The following RBFOX1 variants were observed in gnomAD, a reference collection of about 807,000 sequenced individuals.
RBFOX1 encodes RNA binding protein fox-1 homolog 1.
A neutral mutation model predicts 57.7 loss-of-function variants in RBFOX1; 8 were observed. The observed-to-expected ratio is 0.14, with a 90% CI of 0.08 to 0.25. The LOEUF (loss-of-function observed/expected upper bound fraction) is 0.25. Among genes scored for constraint, RBFOX1 ranks in the 10% least tolerant of loss-of-function variants. The pLI is 1.00. For missense variants in RBFOX1, 611 were observed against 548.5 expected (o/e 1.11, Z -1.14); for synonymous variants, 326 against 222.4 (o/e 1.47, Z -4.15).
chr16:6,513,083 C>T (rs1295271401), intron 2 of RBFOX1, among the ~76,000 whole-genome samples: 2 of 152,188 alleles, frequency 1.3e-5, no homozygotes, highest in African/African-American at 2.4e-5. Context: ...GAATCCAAGT[C>T]AGCCAGTTCT....
chr16:6,900,863 G>T (rs1049648185), intron 3 of RBFOX1, among the ~76,000 whole-genome samples: 2 of 152,186 alleles, frequency 1.3e-5, no homozygotes, highest in Non-Finnish European at 2.9e-5. Flanking sequence ...TGAGCTCCAT[G>T]AATGCAGGGA....
At chr16:6,994,045 C>A (rs566963219) in intron 3 of RBFOX1, among the ~76,000 whole-genome samples, 3 of 152,152 alleles carry the variant, frequency 2.0e-5, no homozygotes, top group Non-Finnish European at 4.4e-5. Context: ...ACCTCCCCCT[C>A]TGGGAGTTTA....
intron 4 of RBFOX1, among the ~76,000 whole-genome samples, chr16:5,971,296 A>G (rs17718086): frequency 6.6e-6 from 1 of 152,188 alleles, no homozygotes; most frequent in African/African-American, 2.4e-5. Flanking sequence ...AGTCCTTGTC[A>G]TGTGACAGGA....
intron 1 of RBFOX1, among the ~76,000 whole-genome samples, chr16:6,061,325 A>G (rs2095683466): frequency 6.6e-6 from 1 of 152,216 alleles, no homozygotes; most frequent in East Asian, 1.9e-4. Flanking sequence ...AGACACAACT[A>G]CAACCAATGG....
chr16:7,535,967 G>A (rs138509527), intron 5 of RBFOX1, among the ~76,000 whole-genome samples: 3 of 152,306 alleles, frequency 2.0e-5, no homozygotes, highest in African/African-American at 7.2e-5. Flanking sequence ...GGAGATACAA[G>A]AGTGAATAAG....
intron 12 of RBFOX1, among the ~76,000 whole-genome samples, chr16:7,663,959 C>T (rs1369984633): frequency 1.3e-5 from 2 of 152,156 alleles, no homozygotes; most frequent in Non-Finnish European, 2.9e-5. Context: ...ATTCCCTAAC[C>T]CCTGTCCCCA....
chr16:7,608,975 G>T (rs1596420238), intron 10 of RBFOX1, among the ~76,000 whole-genome samples: 1 of 152,068 alleles, frequency 6.6e-6, no homozygotes, highest in Admixed American at 6.6e-5. Flanking sequence ...TAATTTCTGG[G>T]ATCGGGGGCA....
At chr16:5,703,316 T>A (rs2051118907) in intron 3 of RBFOX1, among the ~76,000 whole-genome samples, 1 of 152,088 alleles carries the variant, frequency 6.6e-6, no homozygotes, top group South Asian at 2.1e-4. Context: ...TTTTGAAAGA[T>A]GTATAAGAAT....
chr16:6,007,346 A>G (rs2094933678), intron 4 of RBFOX1, among the ~76,000 whole-genome samples: 1 of 152,202 alleles, frequency 6.6e-6, no homozygotes, highest in Non-Finnish European at 1.5e-5. Context: ...TGGAGATACT[A>G]ACATGACAAG....
At chr16:7,323,708 A>G (rs958381751) in intron 4 of RBFOX1, among the ~76,000 whole-genome samples, 2 of 152,246 alleles carry the variant, frequency 1.3e-5, no homozygotes, top group Non-Finnish European at 2.9e-5. Flanking sequence ...CTGAGATAAC[A>G]GATACAATGA....
intron 3 of RBFOX1, among the ~76,000 whole-genome samples, chr16:6,944,643 G>C (rs866011869): frequency 6.6e-6 from 1 of 152,104 alleles, no homozygotes; most frequent in African/African-American, 2.4e-5. Flanking sequence ...TGGGGGTCTG[G>C]CCATGCATCA....
At chr16:6,151,440 C>A (rs556834970) in intron 1 of RBFOX1, among the ~76,000 whole-genome samples, 2 of 152,170 alleles carry the variant, frequency 1.3e-5, no homozygotes, top group East Asian at 3.9e-4. Flanking sequence ...CGCGCTTCAC[C>A]ACACCCGGCT....
At chr16:6,090,768 C>G (rs1162817511) in intron 1 of RBFOX1, among the ~76,000 whole-genome samples, 2 of 152,188 alleles carry the variant, frequency 1.3e-5, no homozygotes, top group Non-Finnish European at 2.9e-5. Context: ...ACTCAGTCCT[C>G]TTTCTCTTTT....
chr16:6,471,060 T>G (rs2095163222), intron 2 of RBFOX1, among the ~76,000 whole-genome samples: 1 of 152,182 alleles, frequency 6.6e-6, no homozygotes, highest in South Asian at 2.1e-4. Context: ...GAATTAAATC[T>G]AAATTTCTTG....
intron 3 of RBFOX1, among the ~76,000 whole-genome samples, chr16:5,793,420 A>G (rs2054770838): frequency 6.6e-6 from 1 of 152,382 alleles, no homozygotes; most frequent in Middle Eastern, 3.4e-3. Flanking sequence ...CCTGATTTTC[A>G]ATTCAGCCCG....
At chr16:6,598,826 G>C (rs1391829062) in intron 2 of RBFOX1, among the ~76,000 whole-genome samples, 2 of 151,480 alleles carry the variant, frequency 1.3e-5, no homozygotes, top group African/African-American at 4.9e-5. Flanking sequence ...TGCACCTGTA[G>C]TCCCAGCTAC....
Position 7,136,661 on chromosome 16 carries a change from C to A in RBFOX1, c.27+84563C>A, listed in dbSNP as rs146262840. Reference sequence around the variant, plus strand: ...TGAACTCCTGGCCTCAAACAATCCTCCTGCCTTGGCCTCCCAAAGTGTTGG... The same window carrying A: ...TGAACTCCTGGCCTCAAACAATCCTACTGCCTTGGCCTCCCAAAGTGTTGG... On this transcript the variant is annotated intron_variant, in intron 4 of 15. Coordinates refer to ENST00000550418, the MANE Select transcript of RBFOX1 (RefSeq NM_018723.4). Among the ~76,000 whole-genome samples the A allele has an allele frequency of 4.5e-3, 688 of 152,250 alleles. 4 individuals are homozygous for A. Among genetic ancestry groups the A allele is most frequent in the African/African-American group, 0.015 (639 of 41,548 alleles).
chr16:7,515,358 C>G (rs972634525), intron 4 of RBFOX1, among the ~76,000 whole-genome samples: 1 of 150,984 alleles, frequency 6.6e-6, no homozygotes, highest in African/African-American at 2.4e-5. Flanking sequence ...GTCAGTTTTG[C>G]AAGACAGATA....
chr16:5,398,626 G>A (rs193007608), intron 1 of RBFOX1, among the ~76,000 whole-genome samples: 19 of 152,192 alleles, frequency 1.2e-4, no homozygotes, highest in African/African-American at 4.1e-4. Context: ...AGCTGTGCAA[G>A]TGTACTAGGC....
Sources: allele counts gnomAD v4.1 joint callset (sites outside exome capture counted in the v4.1 genomes callset), GRCh38; gene constraint gnomAD v4.1.1; transcripts MANE v1.5; gene names NCBI Gene and HGNC (gene_info 2026-07-23, HGNC 2026-07-21).